AMPD3: variants seen among roughly 807,000 people sequenced by gnomAD.
AMPD3 encodes the protein adenosine monophosphate deaminase 3.
AMPD3 carries 57 observed loss-of-function variants against 82.3 expected under a neutral mutation model. That is an observed-to-expected ratio of 0.69 (90% CI 0.56 to 0.86). The LOEUF (loss-of-function observed/expected upper bound fraction) is 0.86, where lower values mean the gene tolerates loss of function less well. AMPD3 is among the 40% of genes least tolerant of loss of function. The pLI is 0.00. For synonymous variants in AMPD3, 381 were observed against 394.7 expected, an observed-to-expected ratio of 0.97 and a Z score of 0.41; for missense variants, 870 against 1,003.8, an observed-to-expected ratio of 0.87 and a Z score of 1.80.
At chr11:10,496,522 C>G (rs887439170) in intron 9 of AMPD3, 3 of 985,318 alleles carry the variant, frequency 3.0e-6, no homozygotes, top group South Asian at 4.7e-5. Context: ...GGATTCATAT[C>G]TCAGTCTCTT....
At chr11:10,478,153 T>C (rs1236262507) in intron 2 of AMPD3, 1 of 985,412 alleles carries the variant, frequency 1.0e-6, no homozygotes, top group Non-Finnish European at 1.2e-6. Flanking sequence ...GTCCACACTG[T>C]GGGGAAAGCC....
rs765075836 is a variant in AMPD3, at chr11:10,478,650, G to A, written c.346G>A (p.Ala116Thr). The change falls in exon 3 of 15, where the codon GCC (alanine) becomes ACC (threonine). Residue 116 changes from alanine (A) to threonine (T), a missense_variant. Ala to Thr is a moderately conservative substitution (Grantham distance 58). Coordinates refer to ENST00000396553, the MANE Select transcript of AMPD3 (RefSeq NM_001025389.2). Reference sequence around the variant, plus strand: ...TCCCACAACCCCTGTGGTCACTGGAGCCACTTCCCTGCCCACGCCAGCACC... The same window carrying A: ...TCCCACAACCCCTGTGGTCACTGGAACCACTTCCCTGCCCACGCCAGCACC... Reference protein sequence around the residue: ...MSPTTPVVTGATSLPTPAPYA... With the variant: ...MSPTTPVVTGTTSLPTPAPYA... 3.7e-6 allele frequency: 6 copies of A among 1,614,228 alleles called. No homozygotes were observed. The highest frequency in any genetic ancestry group is 4.2e-6 in the Non-Finnish European group (5 of 1,180,042).
At chr11:10,481,241 G>A (rs952263886) in intron 3 of AMPD3, among the ~76,000 whole-genome samples, 2 of 152,328 alleles carry the variant, frequency 1.3e-5, no homozygotes, top group African/African-American at 4.8e-5. Context: ...GAGTTAATCA[G>A]AAGTGTGGGG....
chr11:10,491,852 A>G (rs528440876), intron 6 of AMPD3, among the ~76,000 whole-genome samples: 5 of 152,352 alleles, frequency 3.3e-5, no homozygotes, highest in Admixed American at 2.6e-4. Flanking sequence ...TTATCCAGAT[A>G]GAGATATCAA....
At position 10,503,827 on chromosome 11, in the gene AMPD3, G is replaced by T. The variant is rs1382328605; in HGVS notation, c.2017-722G>T. ...CAAAATATGTAAAAATAGAAATCTT[G>T]CCTCATGAAAATACATAATTGGAAA... On this transcript the variant is annotated intron_variant, in intron 13 of 14. Coordinates refer to ENST00000396553, the MANE Select transcript of AMPD3 (RefSeq NM_001025389.2). The T allele has an allele frequency of 1.4e-5, 4 of 282,728 alleles. No homozygotes were observed. In the South Asian group the frequency reaches 5.5e-4, roughly 39 times the overall value. The allele number at this position is 282,728 out of a possible 1,614,324, so 17.5% of individuals were successfully genotyped here.
chr11:10,456,121 G>A lies in AMPD3; in HGVS notation c.-6+673G>A, dbSNP rs903259702. The A allele has an allele frequency of 1.2e-5, 16 of 1,329,356 alleles. No individual in the cohort carries two copies. The East Asian group carries it at 1.8e-4, about 15-fold the overall frequency. The allele number at this position is 1,329,356 out of a possible 1,614,324, so 82.3% of individuals were successfully genotyped here. A position where few individuals can be genotyped will look rare whatever the true frequency, so the allele number is the denominator to read the frequency against. Reference sequence around the variant, plus strand: ...GCATTCAGGATACCACAGCCATTTTGTTTTGGATAACTGGGATTACCTGGG... The same window carrying A: ...GCATTCAGGATACCACAGCCATTTTATTTTGGATAACTGGGATTACCTGGG... On this transcript the variant is annotated intron_variant, in intron 1 of 14. Transcript: ENST00000396553. This position sits in a 1 kb window ranked among gnomAD's most constrained non-coding sequence, Gnocchi z 4.3.
At position 10,485,271 on chromosome 11, in the gene AMPD3, C is replaced by G. The variant is rs534521441; in HGVS notation, c.809+232C>G. Reference sequence around the variant, plus strand: ...TGTCCCCTCTTTTGTTTTTGAGGCACCATCTTGCTCTGTTGCCCAGGCTGG... The same window carrying G: ...TGTCCCCTCTTTTGTTTTTGAGGCAGCATCTTGCTCTGTTGCCCAGGCTGG... On this transcript the variant is annotated intron_variant, in intron 5 of 14. Coordinates refer to ENST00000396553, the MANE Select transcript of AMPD3 (RefSeq NM_001025389.2). Among the ~76,000 whole-genome samples, 3 of 152,174 alleles carry G rather than the reference C, an allele frequency of 2.0e-5. No homozygotes were observed. In the East Asian group the frequency reaches 5.8e-4, roughly 29 times the overall value.
intron 13 of AMPD3, chr11:10,503,974 A>G (rs1165601409): frequency 1.0e-6 from 1 of 985,466 alleles, no homozygotes; most frequent in Non-Finnish European, 1.2e-6. Context: ...CTTGTGATGA[A>G]TAGACACTTC....
intron 10 of AMPD3, chr11:10,497,804 G>T: frequency 1.0e-6 from 1 of 985,408 alleles, no homozygotes; most frequent in Non-Finnish European, 1.2e-6. Context: ...GCTCACACTC[G>T]TGCGTGCTTC....
At chr11:10,488,470 A>G (rs1257571994) in intron 6 of AMPD3, 1 of 174,490 alleles carries the variant, frequency 5.7e-6, no homozygotes, top group African/African-American at 1.3e-4. Context: ...ATGGTATGAG[A>G]GAGTCGAGAG....
chr11:10,455,824 T>TA (rs1397264758), intron 1 of AMPD3: 1 of 861,974 alleles, frequency 1.2e-6, no homozygotes, highest in Non-Finnish European at 1.4e-6. Context: ...AGGGCTGCTT[T>TA]AGGGGGGCTT....
upstream of AMPD3, chr11:10,450,727 G>T (rs1256439171): frequency 1.8e-6 from 2 of 1,114,038 alleles, no homozygotes; most frequent in East Asian, 9.8e-5. Context: ...GGCGCTTCAG[G>T]TAGCCTCTCG....
chr11:10,461,624 AG>A lies in AMPD3; in HGVS notation c.106del (p.Asp36MetfsTer45). Reference protein sequence around the residue: ...AKVLREEDSKDALSLFTVPED... With the variant: ...AKVLREEDSKXALSLFTVPED... ...AAGTGCTCCGAGAAGAGGACAGCAAAGATGCCCTGTCCCTGTTCACTGTCCC... is the reference window on the plus strand; with the variant it reads ...AAGTGCTCCGAGAAGAGGACAGCAAAATGCCCTGTCCCTGTTCACTGTCCC... On this transcript the variant is annotated frameshift_variant, in exon 2 of 15. Coordinates refer to ENST00000396553, the MANE Select transcript of AMPD3 (RefSeq NM_001025389.2). LOFTEE classifies it high-confidence loss of function. 1 of 1,614,256 alleles carries A rather than the reference AG, an allele frequency of 6.2e-7. No individual in the cohort carries two copies. Among genetic ancestry groups the A allele is most frequent in the African/African-American group, 1.3e-5 (1 of 75,074 alleles).
intron 5 of AMPD3, 139 bp from the exon 6 acceptor site, chr11:10,487,096 G>A (rs947870509): frequency 6.4e-7 from 1 of 1,561,800 alleles, no homozygotes; most frequent in African/African-American, 1.4e-5. Context: ...AGGGTCTGTA[G>A]AAAGCCAGAA....
intron 11 of AMPD3, chr11:10,501,241 T>C: frequency 1.0e-6 from 1 of 985,342 alleles, no homozygotes; most frequent in Non-Finnish European, 1.2e-6. Flanking sequence ...GGTCTCTTTC[T>C]ACTGCGAGGC....
chr11:10,461,317 G>A (rs2133822789), intron 1 of AMPD3, 198 bp from the exon 2 acceptor site: 2 of 1,569,448 alleles, frequency 1.3e-6, no homozygotes, highest in South Asian at 1.1e-5. Context: ...TGACACCTAA[G>A]TGGCCCTACA....
At chr11:10,497,466 G>A (rs1849445211) in intron 10 of AMPD3, 6 of 515,184 alleles carry the variant, frequency 1.2e-5, no homozygotes, top group Non-Finnish European at 1.5e-5. Flanking sequence ...GGAGGCGGAG[G>A]GGGCGGGAGC....
At chr11:10,452,350 T>G (rs1591431506), upstream of AMPD3, among the ~76,000 whole-genome samples, 1 of 152,094 alleles carries the variant, frequency 6.6e-6, no homozygotes, top group Non-Finnish European at 1.5e-5. Context: ...TTCCACCAAG[T>G]ATAATAATCT....
intron 7 of AMPD3, 108 bp downstream of exon 7, chr11:10,493,651 C>A: frequency 2.4e-6 from 3 of 1,263,674 alleles, no homozygotes; most frequent in African/African-American, 1.5e-5. Context: ...GCTACGGAAG[C>A]AGCTTTCTCT....
Sources: gnomAD v4.1 joint callset for allele counts (sites outside exome capture counted in the v4.1 genomes callset) on GRCh38, gnomAD v4.1.1 for gene constraint, Gnocchi (gnomAD v3.1) non-coding constraint, MANE v1.5 for transcripts, NCBI Gene and HGNC (gene_info 2026-07-23, HGNC 2026-07-21) for gene names.